ATM: variants seen among roughly 807,000 people sequenced by gnomAD.
ATM encodes ATM serine/threonine kinase.
In ATM, 308 loss-of-function variants were observed where a neutral mutation model predicts 387.0. That is an observed-to-expected ratio of 0.80 (90% CI 0.73 to 0.87). ATM has a LOEUF of 0.87. Among genes scored for constraint, ATM ranks in the 40% least tolerant of loss-of-function variants. The probability of loss-of-function intolerance (pLI) is 0.00; values close to 1 mark genes in which losing one functional copy is unlikely to be tolerated. For synonymous variants in ATM, 1,156 were observed against 1,187.3 expected, an observed-to-expected ratio of 0.97 and a Z score of 0.54; for missense variants, 3,312 against 3,560.9, an observed-to-expected ratio of 0.93 and a Z score of 1.78.
intron 56 of ATM, among the ~76,000 whole-genome samples, chr11:108,338,253 AG>A (rs1417458895): frequency 6.6e-6 from 1 of 152,194 alleles, no homozygotes; most frequent in Non-Finnish European, 1.5e-5. Context: ...TGGGAGGCTG[AG>A]GTGAGAGAAT....
intron 61 of ATM, among the ~76,000 whole-genome samples, chr11:108,358,963 T>A (rs1470047115): frequency 2.0e-5 from 3 of 151,730 alleles, no homozygotes; most frequent in African/African-American, 4.8e-5. Flanking sequence ...TTTAAATGTA[T>A]ATGGACTAAA....
chr11:108,267,358 C>G lies in ATM; in HGVS notation c.2638+16C>G, dbSNP rs1386019726. The G allele has an allele frequency of 1.9e-6, 3 of 1,612,364 alleles. 1 individual carries two copies. The highest frequency in any genetic ancestry group is 2.2e-5 in the South Asian group (2 of 91,012). On this transcript the variant is annotated intron_variant, in intron 17 of 62. Coordinates refer to ENST00000675843, the MANE Select transcript of ATM (RefSeq NM_000051.4). Reference sequence around the variant, plus strand: ...AGTACCATAGGTAAATACATATTTACTACTTGGGATTTCTTTTACTTCTTT... The same window carrying G: ...AGTACCATAGGTAAATACATATTTAGTACTTGGGATTTCTTTTACTTCTTT...
chr11:108,233,356 GC>G (rs1044583137), intron 4 of ATM, among the ~76,000 whole-genome samples: 10 of 152,076 alleles, frequency 6.6e-5, no homozygotes, highest in African/African-American at 9.7e-5. Flanking sequence ...GATTGCTTGA[GC>G]ACAGGATTTT....
chr11:108,255,628 G>C (rs2080428068), intron 13 of ATM, among the ~76,000 whole-genome samples: 3 of 151,992 alleles, frequency 2.0e-5, no homozygotes, highest in Admixed American at 2.0e-4. Context: ...GTTTCACCAC[G>C]TTAGCCAGGT....
chr11:108,261,363 G>C (rs915664242), intron 16 of ATM, among the ~76,000 whole-genome samples: 3 of 152,224 alleles, frequency 2.0e-5, no homozygotes, highest in Non-Finnish European at 2.9e-5. Context: ...GCACCCCCCA[G>C]CAGGGGCACA....
intron 8 of ATM, 128 bp from the exon 9 acceptor site, chr11:108,248,805 T>C (rs1172271073): frequency 2.6e-6 from 2 of 761,162 alleles, no homozygotes; most frequent in East Asian, 5.5e-5. Flanking sequence ...GGAGAATCAC[T>C]TGAACCTGGG....
chr11:108,245,172 CA>C (rs1458331537), intron 7 of ATM, 146 bp downstream of exon 7: 1 of 755,390 alleles, frequency 1.3e-6, no homozygotes, highest in Non-Finnish European at 2.2e-6. Flanking sequence ...GAATGTTTTT[CA>C]TAGAGTTTTT....
chr11:108,332,679 GT>G, intron 52 of ATM, 82 bp from the exon 53 acceptor site: 1 of 1,434,648 alleles, frequency 7.0e-7, no homozygotes, highest in South Asian at 1.2e-5. Flanking sequence ...CATAAATTCT[GT>G]TTTTCTCTTT....
At chr11:108,266,322 A>G (rs1421631598) in intron 16 of ATM, among the ~76,000 whole-genome samples, 5 of 152,078 alleles carry the variant, frequency 3.3e-5, no homozygotes, top group African/African-American at 1.2e-4. Flanking sequence ...TGATGAGTTC[A>G]TGTCCTTTGT....
chr11:108,233,871 A>G (rs1231927475), intron 4 of ATM, among the ~76,000 whole-genome samples: 1 of 152,134 alleles, frequency 6.6e-6, no homozygotes, highest in Admixed American at 6.5e-5. Flanking sequence ...AACTATGAAA[A>G]AAAAGTCAAC....
Position 108,329,440 on chromosome 11 carries a change from T to C in ATM, c.7307+202T>C, listed in dbSNP as rs1016898062. 5.8e-5 allele frequency: 33 copies of C among 573,148 alleles called. No individual in the cohort carries two copies. The South Asian group carries it at 6.6e-4, about 12-fold the overall frequency. 35.5% of individuals were successfully genotyped at this position (573,148 alleles called of 1,614,324 possible). ...TTTTTTTTTTGAGACAAGGTCTCAC[T>C]CTGTCACCCAGGCTGGAGTACAGTG... On this transcript the variant is annotated intron_variant, in intron 49 of 62. Coordinates refer to ENST00000675843, the MANE Select transcript of ATM (RefSeq NM_000051.4).
intron 35 of ATM, among the ~76,000 whole-genome samples, 194 bp downstream of exon 35, chr11:108,301,983 T>G (rs1479877108): frequency 6.6e-6 from 1 of 152,146 alleles, no homozygotes; most frequent in Non-Finnish European, 1.5e-5. Context: ...GTGGAAAAGC[T>G]CAGATAGGTA....
chr11:108,258,920 ACTGT>A, intron 15 of ATM, 62 bp from the exon 16 acceptor site: 1 of 1,317,508 alleles, frequency 7.6e-7, no homozygotes, highest in Admixed American at 1.8e-5. Context: ...TAGAGAAAAC[ACTGT>A]CTGCCAAGAA....
rs557777578 is a variant in ATM, at chr11:108,342,710, T to C, written c.8269-512T>C. On this transcript the variant is annotated intron_variant, in intron 56 of 62. Transcript: ENST00000675843. ...ATAATATAATTTTAAAAAACTTTCCTAGTAAAGTTGCTTATTTTATATTTA... is the reference window on the plus strand; with the variant it reads ...ATAATATAATTTTAAAAAACTTTCCCAGTAAAGTTGCTTATTTTATATTTA... Among the ~76,000 whole-genome samples, 58 of 152,344 alleles carry C rather than the reference T, an allele frequency of 3.8e-4. No homozygotes were observed. In the East Asian group the frequency reaches 9.8e-3, roughly 26 times the overall value.
intron 56 of ATM, among the ~76,000 whole-genome samples, chr11:108,339,191 A>G (rs2087203070): frequency 6.6e-6 from 1 of 152,202 alleles, no homozygotes; most frequent in African/African-American, 2.4e-5. Flanking sequence ...TTTCTCCACC[A>G]AAACTATGCA....
chr11:108,364,932 C>T (rs2091174789), intron 61 of ATM, 150 bp from the exon 62 acceptor site: 3 of 840,408 alleles, frequency 3.6e-6, no homozygotes, highest in East Asian at 2.7e-5. Context: ...ATAGTTTCCT[C>T]AAGGAAACAT....
At chr11:108,263,312 G>C (rs1447628115) in intron 16 of ATM, among the ~76,000 whole-genome samples, 9 of 133,370 alleles carry the variant, frequency 6.7e-5, no homozygotes, top group African/African-American at 1.7e-4. Context: ...AATCAAACTA[G>C]AACTCAGGAT....
chr11:108,346,760 A>C (rs979470909), intron 58 of ATM, among the ~76,000 whole-genome samples: 1 of 152,150 alleles, frequency 6.6e-6, no homozygotes. Context: ...CCATTAGTGC[A>C]TGTCATCATC....
At chr11:108,358,494 C>T (rs2090313251) in intron 61 of ATM, among the ~76,000 whole-genome samples, 1 of 149,414 alleles carries the variant, frequency 6.7e-6, no homozygotes, top group Non-Finnish European at 1.5e-5. Flanking sequence ...ACATAATTGT[C>T]AGATTCACCA....
Sources: gnomAD v4.1 joint callset for allele counts (sites outside exome capture counted in the v4.1 genomes callset) on GRCh38, gnomAD v4.1.1 for gene constraint, MANE v1.5 for transcripts, NCBI Gene and HGNC (gene_info 2026-07-23, HGNC 2026-07-21) for gene names.